The following FRMD5 variants were observed in gnomAD, a reference collection of about 807,000 sequenced individuals.
FRMD5 encodes the protein FERM domain containing 5.
FRMD5 carries 20 observed loss-of-function variants against 69.0 expected under a neutral mutation model. The observed-to-expected ratio is 0.29, with a 90% CI of 0.20 to 0.42. The LOEUF is 0.42. Ranked by LOEUF, FRMD5 falls within the 10% of genes least tolerant of loss-of-function variation. The pLI is 1.00. For missense variants in FRMD5, 595 were observed against 708.6 expected (o/e 0.84, Z 1.82); for synonymous variants, 271 against 260.1 (o/e 1.04, Z -0.40).
chr15:44,115,847 G>C (rs144435909), intron 1 of FRMD5, among the ~76,000 whole-genome samples: 51 of 152,278 alleles, frequency 3.3e-4, no homozygotes, highest in African/African-American at 1.2e-3. Context: ...TGCAAACGTA[G>C]AGTCAATTGA....
intron 1 of FRMD5, among the ~76,000 whole-genome samples, chr15:43,962,537 C>T (rs1326063314): frequency 6.6e-6 from 1 of 152,156 alleles, no homozygotes; most frequent in African/African-American, 2.4e-5. Context: ...ACTTTCTTCA[C>T]AGAATTGGAA....
chr15:44,034,722 T>C (rs1486974918), intron 1 of FRMD5, among the ~76,000 whole-genome samples: 1 of 152,198 alleles, frequency 6.6e-6, no homozygotes, highest in Non-Finnish European at 1.5e-5. Context: ...CAGCTAATTT[T>C]AGATTTAGCT....
intron 1 of FRMD5, among the ~76,000 whole-genome samples, chr15:44,116,472 C>T (rs1249665183): frequency 3.3e-5 from 5 of 152,124 alleles, no homozygotes; most frequent in Non-Finnish European, 5.9e-5. Context: ...GTCCTGACTA[C>T]AGGGCTACAA....
intron 1 of FRMD5, among the ~76,000 whole-genome samples, chr15:44,048,541 C>G (rs903731133): frequency 1.3e-5 from 2 of 152,026 alleles, no homozygotes; most frequent in African/African-American, 4.8e-5. Flanking sequence ...ATTTGCAGCA[C>G]AAAGTTTTTT....
intron 1 of FRMD5, among the ~76,000 whole-genome samples, chr15:44,058,058 A>G (rs1215160377): frequency 6.6e-6 from 1 of 152,180 alleles, no homozygotes; most frequent in Non-Finnish European, 1.5e-5. Context: ...TCAGCAGCCA[A>G]TGTTATTTGA....
At chr15:43,913,750 T>C (rs1390574244) in intron 4 of FRMD5, among the ~76,000 whole-genome samples, 1 of 152,106 alleles carries the variant, frequency 6.6e-6, no homozygotes, top group Non-Finnish European at 1.5e-5. Context: ...GAAATAGAAG[T>C]CCAGAGATGG....
chr15:44,063,643 T>C (rs1421820488), intron 1 of FRMD5: 2 of 477,496 alleles, frequency 4.2e-6, no homozygotes, highest in South Asian at 3.3e-5. Flanking sequence ...CTACATGGTC[T>C]ACATGTTCTA....
intron 1 of FRMD5, among the ~76,000 whole-genome samples, chr15:44,040,366 G>T (rs533286916): frequency 8.5e-5 from 13 of 152,224 alleles, no homozygotes; most frequent in African/African-American, 2.9e-4. Context: ...ATAATAGTCA[G>T]ATTCACCAGG....
chr15:44,004,066 T>A (rs1285510432), intron 1 of FRMD5, among the ~76,000 whole-genome samples: 1 of 152,230 alleles, frequency 6.6e-6, no homozygotes, highest in African/African-American at 2.4e-5. Context: ...GACTAAAAAT[T>A]TTCTGTAAAA....
intron 1 of FRMD5, among the ~76,000 whole-genome samples, chr15:43,941,179 C>A (rs2089856527): frequency 6.6e-6 from 1 of 152,160 alleles, no homozygotes; most frequent in African/African-American, 2.4e-5. Flanking sequence ...CCAGCCTGAG[C>A]AACATGGTGA....
intron 1 of FRMD5, among the ~76,000 whole-genome samples, chr15:44,030,325 A>G (rs2140282351): frequency 6.6e-6 from 1 of 152,306 alleles, no homozygotes; most frequent in Non-Finnish European, 1.5e-5. Context: ...GAGCAGAATC[A>G]CAAAGCCACT....
chr15:44,054,922 T>C (rs1236841416), intron 1 of FRMD5, among the ~76,000 whole-genome samples: 1 of 151,900 alleles, frequency 6.6e-6, no homozygotes, highest in Non-Finnish European at 1.5e-5. Flanking sequence ...ATACAAAAAT[T>C]ACCTGGGCGT....
chr15:44,055,647 G>A (rs1177406607), intron 1 of FRMD5, among the ~76,000 whole-genome samples: 1 of 152,132 alleles, frequency 6.6e-6, no homozygotes, highest in African/African-American at 2.4e-5. Context: ...TAACTCTTCA[G>A]GAAAGGAAAT....
chr15:44,199,086 C>T (rs898540418), upstream of FRMD5, among the ~76,000 whole-genome samples: 4 of 152,174 alleles, frequency 2.6e-5, no homozygotes, highest in African/African-American at 9.6e-5. Flanking sequence ...ACACTGGTCT[C>T]TCTCTTTAGC....
intron 4 of FRMD5, among the ~76,000 whole-genome samples, chr15:43,916,633 C>G (rs2089392705): frequency 6.6e-6 from 1 of 152,132 alleles, no homozygotes; most frequent in Non-Finnish European, 1.5e-5. Flanking sequence ...GGTTAAGTAT[C>G]TTATTTCCAA....
chr15:43,905,303 A>AT (rs1348378575), intron 6 of FRMD5, among the ~76,000 whole-genome samples: 1 of 151,706 alleles, frequency 6.6e-6, no homozygotes. Flanking sequence ...TGCCTGGCTA[A>AT]TTTTTGTATT....
chr15:44,117,560 G>T (rs909238222), intron 1 of FRMD5, among the ~76,000 whole-genome samples: 1 of 152,200 alleles, frequency 6.6e-6, no homozygotes, highest in Non-Finnish European at 1.5e-5. Context: ...GAGATTGTAA[G>T]AAGCATTGCT....
chr15:44,134,812 A>G (rs887605731), intron 1 of FRMD5, among the ~76,000 whole-genome samples: 2 of 152,102 alleles, frequency 1.3e-5, no homozygotes, highest in African/African-American at 2.4e-5. Flanking sequence ...TTGAATGCAG[A>G]CCTGAATTAA....
chr15:43,910,572 CAAA>C (rs1167867396), intron 4 of FRMD5, among the ~76,000 whole-genome samples: 5 of 40,366 alleles, frequency 1.2e-4, no homozygotes, highest in Admixed American at 2.8e-4. Flanking sequence ...GACCTTGTCT[CAAA>C]AAAAAAAAAA....
Sources: gnomAD v4.1 joint callset for allele counts (sites outside exome capture counted in the v4.1 genomes callset) on GRCh38, gnomAD v4.1.1 for gene constraint, MANE v1.5 for transcripts, NCBI Gene and HGNC (gene_info 2026-07-23, HGNC 2026-07-21) for gene names.